The following CFAP61 variants were observed in gnomAD, a reference collection of about 807,000 sequenced individuals.
CFAP61 encodes the protein cilia- and flagella-associated protein 61.
Under a neutral mutation model 135.6 loss-of-function variants are expected in CFAP61, and 107 were observed. That is an observed-to-expected ratio of 0.79 (90% CI 0.67 to 0.93). CFAP61 has a LOEUF of 0.93. Ranked by LOEUF, CFAP61 falls within the 40% of genes least tolerant of loss-of-function variation. CFAP61 has a pLI of 0.00. For missense variants in CFAP61, 1,507 were observed against 1,556.2 expected, an observed-to-expected ratio of 0.97 and a Z score of 0.53; for synonymous variants, 575 against 578.5, an observed-to-expected ratio of 0.99 and a Z score of 0.09.
At chr20:20,300,765 C>T (rs1450459532) in intron 25 of CFAP61, among the ~76,000 whole-genome samples, 2 of 151,838 alleles carry the variant, frequency 1.3e-5, no homozygotes, top group Non-Finnish European at 2.9e-5. Flanking sequence ...GCTACCACAC[C>T]CAGCTTATTT....
intron 2 of CFAP61, among the ~76,000 whole-genome samples, chr20:20,058,647 A>G (rs2044555937): frequency 6.6e-6 from 1 of 152,248 alleles, no homozygotes; most frequent in Admixed American, 6.5e-5. Context: ...AGAGGGGGAT[A>G]AAGTCTCTTC....
intron 2 of CFAP61, among the ~76,000 whole-genome samples, chr20:20,058,532 T>TGACC (rs989565218): frequency 6.6e-6 from 1 of 152,216 alleles, no homozygotes; most frequent in African/African-American, 2.4e-5. Flanking sequence ...GGAAAGCATG[T>TGACC]GACCCCTTTG....
chr20:20,121,717 C>T (rs184074227), intron 8 of CFAP61, among the ~76,000 whole-genome samples: 1 of 152,268 alleles, frequency 6.6e-6, no homozygotes, highest in East Asian at 1.9e-4. Flanking sequence ...TGGTCTTGAA[C>T]TTCTGGCCTC....
chr20:20,333,073 T>C (rs905534205), intron 25 of CFAP61, among the ~76,000 whole-genome samples: 13 of 152,222 alleles, frequency 8.5e-5, no homozygotes, highest in African/African-American at 2.9e-4. Flanking sequence ...ACTGCAGTTA[T>C]GCCAAAGAAA....
chr20:20,071,631 A>G (rs892669803), intron 3 of CFAP61, among the ~76,000 whole-genome samples: 1 of 152,222 alleles, frequency 6.6e-6, no homozygotes, highest in Admixed American at 6.5e-5. Flanking sequence ...AACTCTGGGC[A>G]GCACCCTGGC....
intron 26 of CFAP61, among the ~76,000 whole-genome samples, chr20:20,343,242 A>C (rs1165229547): frequency 6.6e-6 from 1 of 152,190 alleles, no homozygotes; most frequent in African/African-American, 2.4e-5. Context: ...GAACATGGTT[A>C]CTGAACCATA....
intron 26 of CFAP61, 49 bp from the exon 27 acceptor site, chr20:20,360,161 T>C: frequency 7.3e-7 from 1 of 1,377,882 alleles, no homozygotes. Context: ...GTTACAACTG[T>C]GCAGGGTCCA....
chr20:20,349,820 C>T (rs1400231609), intron 26 of CFAP61, among the ~76,000 whole-genome samples: 2 of 152,038 alleles, frequency 1.3e-5, no homozygotes, highest in Non-Finnish European at 2.9e-5. Context: ...GCAATACCAC[C>T]CAAAACAATC....
At chr20:20,203,342 T>C (rs572286954) in intron 17 of CFAP61, among the ~76,000 whole-genome samples, 14 of 152,342 alleles carry the variant, frequency 9.2e-5, no homozygotes, top group Admixed American at 7.2e-4. Context: ...AAAGATTCTT[T>C]TCTGAGCTTG....
At chr20:20,275,300 T>C (rs8115340) in intron 21 of CFAP61, among the ~76,000 whole-genome samples, 2,198 of 152,272 alleles carry the variant, frequency 0.014, 52 homozygotes, top group African/African-American at 0.05. Flanking sequence ...TGACATTGAG[T>C]TTTGACGTGG....
intron 21 of CFAP61, chr20:20,265,684 C>T (rs981132510): frequency 3.5e-6 from 2 of 568,128 alleles, no homozygotes; most frequent in African/African-American, 1.9e-5. Context: ...GGTAGGTGCT[C>T]TTAACACTGA....
intron 25 of CFAP61, among the ~76,000 whole-genome samples, chr20:20,323,575 A>G (rs79539388): frequency 0.013 from 1,936 of 152,344 alleles, 51 homozygotes; most frequent in African/African-American, 0.044. Context: ...TAACGAATGG[A>G]ATGCACAGAG....
intron 11 of CFAP61, 77 bp downstream of exon 11, chr20:20,164,305 A>G (rs1405292880): frequency 1.4e-6 from 2 of 1,428,780 alleles, no homozygotes; most frequent in East Asian, 2.3e-5. Flanking sequence ...TTAACTTTAC[A>G]GAGCCAGTAA....
At chr20:20,297,434 T>C (rs1451134346) in intron 24 of CFAP61, among the ~76,000 whole-genome samples, 1 of 152,150 alleles carries the variant, frequency 6.6e-6, no homozygotes, top group Non-Finnish European at 1.5e-5. Context: ...CTCATGTTTG[T>C]CTACAGAAGC....
intron 10 of CFAP61, among the ~76,000 whole-genome samples, chr20:20,163,186 C>T (rs779128562): frequency 6.6e-6 from 1 of 152,084 alleles, no homozygotes; most frequent in Non-Finnish European, 1.5e-5. Flanking sequence ...TAAATTTTTC[C>T]ATATGCATGT....
intron 17 of CFAP61, among the ~76,000 whole-genome samples, chr20:20,215,990 A>G (rs530218165): frequency 6.6e-6 from 1 of 152,316 alleles, no homozygotes; most frequent in South Asian, 2.1e-4. Flanking sequence ...TGTTTGATAA[A>G]TGTTTAATGA....
chr20:20,190,783 G>T (rs4458273), intron 14 of CFAP61, among the ~76,000 whole-genome samples: 12,855 of 152,122 alleles, frequency 0.085, 1,310 homozygotes, highest in East Asian at 0.56. Flanking sequence ...TTTCACTAAG[G>T]AATATCCTTG....
chr20:20,129,889 G>T (rs187282738), intron 8 of CFAP61, among the ~76,000 whole-genome samples: 1 of 151,520 alleles, frequency 6.6e-6, no homozygotes, highest in East Asian at 1.9e-4. Flanking sequence ...AGTAGCAAAT[G>T]TATTTGTCAG....
intron 25 of CFAP61, among the ~76,000 whole-genome samples, chr20:20,313,589 T>C (rs2122206927): frequency 6.6e-6 from 1 of 152,350 alleles, no homozygotes; most frequent in South Asian, 2.1e-4. Context: ...TCCCGGGTTC[T>C]AACATTATAC....
Sources: allele counts gnomAD v4.1 joint callset (sites outside exome capture counted in the v4.1 genomes callset), GRCh38; gene constraint gnomAD v4.1.1; transcripts MANE v1.5; gene names NCBI Gene and HGNC (gene_info 2026-07-23, HGNC 2026-07-21).